Variants in CDYL2 observed in about 807,000 individuals in gnomAD.
The protein encoded by CDYL2 is chromodomain Y like 2.
In CDYL2, 23 loss-of-function variants were observed where a neutral mutation model predicts 49.4. That is an observed-to-expected ratio of 0.47 (90% CI 0.34 to 0.66). The LOEUF is 0.66. Among genes scored for constraint, CDYL2 ranks in the 30% least tolerant of loss-of-function variants. The probability of loss-of-function intolerance (pLI) is 0.01; values close to 1 mark genes in which losing one functional copy is unlikely to be tolerated. For missense variants in CDYL2, 678 were observed against 656.4 expected, an observed-to-expected ratio of 1.03 and a Z score of -0.36; for synonymous variants, 360 against 268.8, an observed-to-expected ratio of 1.34 and a Z score of -3.32.
chr16:80,782,923 C>T (rs567157306), intron 1 of CDYL2, among the ~76,000 whole-genome samples: 1 of 152,114 alleles, frequency 6.6e-6, no homozygotes, highest in East Asian at 1.9e-4. Flanking sequence ...TAGCTTTTTA[C>T]CTAAAATCAG....
intron 1 of CDYL2, among the ~76,000 whole-genome samples, chr16:80,693,648 T>C (rs929418308): frequency 2.0e-5 from 3 of 152,164 alleles, no homozygotes; most frequent in African/African-American, 4.8e-5. Context: ...TAAATGAATC[T>C]TACATTCAGG....
At chr16:80,680,207 C>T (rs1446574751) in intron 2 of CDYL2, among the ~76,000 whole-genome samples, 1 of 152,094 alleles carries the variant, frequency 6.6e-6, no homozygotes, top group Non-Finnish European at 1.5e-5. Flanking sequence ...TGTGGAATGA[C>T]TCGTTCAATG....
chr16:80,664,309 C>G (rs1214895635), intron 2 of CDYL2, among the ~76,000 whole-genome samples: 1 of 152,166 alleles, frequency 6.6e-6, no homozygotes, highest in African/African-American at 2.4e-5. Flanking sequence ...AATGTCATTT[C>G]CGTCCACCTT....
intron 1 of CDYL2, among the ~76,000 whole-genome samples, chr16:80,765,172 T>C (rs923033775): frequency 1.4e-5 from 2 of 145,300 alleles, no homozygotes; most frequent in Non-Finnish European, 3.0e-5. Flanking sequence ...ATATATAATA[T>C]ATTATATAAT....
intron 2 of CDYL2, among the ~76,000 whole-genome samples, chr16:80,677,790 C>A (rs1231102494): frequency 2.0e-5 from 3 of 151,456 alleles, no homozygotes; most frequent in Non-Finnish European, 4.4e-5. Flanking sequence ...CAAAAAAGAG[C>A]CCACATTGCC....
chr16:80,791,410 C>A (rs970443968), intron 1 of CDYL2, among the ~76,000 whole-genome samples: 2 of 152,070 alleles, frequency 1.3e-5, no homozygotes, highest in Admixed American at 1.3e-4. Flanking sequence ...ACAGATGAAA[C>A]AAGACAGACA....
chr16:80,774,310 G>A (rs1434342378), intron 1 of CDYL2, among the ~76,000 whole-genome samples: 1 of 151,408 alleles, frequency 6.6e-6, no homozygotes, highest in Admixed American at 6.6e-5. Context: ...AAAGACAAAT[G>A]CTATGCGATC....
At chr16:80,669,452 C>T (rs1025849767) in intron 2 of CDYL2, among the ~76,000 whole-genome samples, 2 of 152,060 alleles carry the variant, frequency 1.3e-5, no homozygotes, top group East Asian at 1.9e-4. Flanking sequence ...ACCTCACTGC[C>T]GTCTTGTGGG....
At chr16:80,624,935 T>A (rs914218456) in intron 3 of CDYL2, among the ~76,000 whole-genome samples, 2 of 151,902 alleles carry the variant, frequency 1.3e-5, no homozygotes, top group Non-Finnish European at 2.9e-5. Flanking sequence ...AACGGAGAGA[T>A]TAAAGACAAG....
intron 3 of CDYL2, 121 bp downstream of exon 3, chr16:80,632,898 T>G: frequency 1.1e-6 from 1 of 935,846 alleles, no homozygotes; most frequent in Non-Finnish European, 1.6e-6. Context: ...AGTCAAGTTT[T>G]TATGCACGCT....
chr16:80,762,747 G>C lies in CDYL2; in HGVS notation c.24+41403C>G, dbSNP rs149390990. 6.8e-3 allele frequency among the ~76,000 whole-genome samples: 1,043 copies of C among 152,268 alleles called. 15 individuals carry two copies. The highest frequency in any genetic ancestry group is 0.024 in the African/African-American group (1,002 of 41,558). On this transcript the variant is annotated intron_variant, in intron 1 of 6. Transcript: ENST00000570137. ...TGTCATCAATTGCAAGTGTCCAGCT[G>C]AGGTGAAGCAAGGTGACTCTCTGCC...
At chr16:80,783,817 T>C (rs769909293) in intron 1 of CDYL2, among the ~76,000 whole-genome samples, 1 of 152,176 alleles carries the variant, frequency 6.6e-6, no homozygotes, top group Non-Finnish European at 1.5e-5. Flanking sequence ...CCATATGTTA[T>C]ACAATTCCAT....
Position 80,804,258 on chromosome 16 carries a change from C to G in CDYL2, c.-85G>C. ...GTGTGCGCGCGGGGTCCGGTGTGCG[C>G]GTGTGTGTGCGCGCGTGTGTGTGCG... On this transcript the variant is annotated 5_prime_UTR_variant, in exon 1 of 7. Coordinates refer to ENST00000570137, the MANE Select transcript of CDYL2 (RefSeq NM_152342.4). The G allele has an allele frequency of 8.3e-7, 1 of 1,210,852 alleles. No individual in the cohort carries two copies. Among genetic ancestry groups the G allele is most frequent in the Admixed American group, 3.0e-5 (1 of 33,760 alleles). The allele number at this position is 1,210,852 out of a possible 1,614,324, so 75.0% of individuals were successfully genotyped here.
chr16:80,758,528 G>C (rs937668494), intron 1 of CDYL2, among the ~76,000 whole-genome samples: 4 of 146,378 alleles, frequency 2.7e-5, no homozygotes, highest in African/African-American at 1.0e-4. Context: ...AAATACAGAA[G>C]TTTGCTGCAG....
At chr16:80,712,191 GTATATATA>G (rs60399715) in intron 1 of CDYL2, among the ~76,000 whole-genome samples, 1 of 107,934 alleles carries the variant, frequency 9.3e-6, no homozygotes, top group Admixed American at 9.2e-5. Context: ...GTCTGTGTGT[GTATATATA>G]TATATATATA....
chr16:80,737,599 T>C (rs1448985412), intron 1 of CDYL2, among the ~76,000 whole-genome samples: 1 of 152,162 alleles, frequency 6.6e-6, no homozygotes, highest in Non-Finnish European at 1.5e-5. Flanking sequence ...TGGTGGTGGT[T>C]TTCTCTTTGT....
chr16:80,685,851 T>C (rs1006570196), intron 1 of CDYL2, among the ~76,000 whole-genome samples: 1 of 152,152 alleles, frequency 6.6e-6, no homozygotes, highest in African/African-American at 2.4e-5. Context: ...CACTAGGCCA[T>C]ACTAACTCTC....
chr16:80,632,757 CTG>C lies in CDYL2; in HGVS notation c.834+260_834+261del, dbSNP rs1451594069. 51 of 426,726 alleles carry C rather than the reference CTG, an allele frequency of 1.2e-4. No homozygotes were observed. In the Admixed American group the frequency reaches 1.8e-3, roughly 15 times the overall value. 26.4% of individuals were successfully genotyped at this position (426,726 alleles called of 1,614,324 possible). A position where few individuals can be genotyped will look rare whatever the true frequency, so the allele number is the denominator to read the frequency against. On this transcript the variant is annotated intron_variant, in intron 3 of 6. Transcript: ENST00000570137. Reference sequence around the variant, plus strand: ...TTCTGGGTCTGCCCCTTGGCTAAGTCTGTGTCCACGATCAGTTCAGTGAGTCC... The same window carrying C: ...TTCTGGGTCTGCCCCTTGGCTAAGTCTGTCCACGATCAGTTCAGTGAGTCC...
At chr16:80,645,787 A>G (rs1422917539) in intron 2 of CDYL2, among the ~76,000 whole-genome samples, 11 of 152,166 alleles carry the variant, frequency 7.2e-5, no homozygotes, top group African/African-American at 2.6e-4. Context: ...CATATACACC[A>G]TGGACTACTA....
Sources: gnomAD v4.1 joint callset for allele counts (sites outside exome capture counted in the v4.1 genomes callset) on GRCh38, gnomAD v4.1.1 for gene constraint, MANE v1.5 for transcripts, NCBI Gene and HGNC (gene_info 2026-07-23, HGNC 2026-07-21) for gene names.